The following TK2 variants were observed in gnomAD, a reference collection of about 807,000 sequenced individuals.
TK2 encodes the protein thymidine kinase 2, mitochondrial.
In TK2, 35 loss-of-function variants were observed where a neutral mutation model predicts 41.9. The observed-to-expected ratio is 0.84, with a 90% CI of 0.64 to 1.11. The LOEUF is 1.11. Ranked by LOEUF, TK2 falls within the 50% of genes least tolerant of loss-of-function variation. TK2 has a pLI of 0.00. For synonymous variants in TK2, 128 were observed against 129.1 expected, an observed-to-expected ratio of 0.99 and a Z score of 0.06; for missense variants, 320 against 351.1, an observed-to-expected ratio of 0.91 and a Z score of 0.71.
chr16:66,512,088 C>G (rs1450600037), intron 9 of TK2, 22 bp from the exon 10 acceptor site: 2 of 1,596,834 alleles, frequency 1.3e-6, no homozygotes, highest in African/African-American at 2.7e-5. Flanking sequence ...ACACATGGGT[C>G]ACAAGGCTGC....
At chr16:66,543,880 C>T (rs1965529722) in intron 2 of TK2, among the ~76,000 whole-genome samples, 1 of 152,166 alleles carries the variant, frequency 6.6e-6, no homozygotes. Context: ...CCTCCCAGCC[C>T]ACTCCTTTAG....
At chr16:66,516,435 G>A (rs1455195897) in intron 8 of TK2, among the ~76,000 whole-genome samples, 2 of 152,222 alleles carry the variant, frequency 1.3e-5, no homozygotes, top group Non-Finnish European at 2.9e-5. Context: ...TTACAAAGTG[G>A]GGACTGCATT....
chr16:66,539,397 G>C (rs1242451810), intron 3 of TK2, among the ~76,000 whole-genome samples: 1 of 151,996 alleles, frequency 6.6e-6, no homozygotes, highest in African/African-American at 2.4e-5. Context: ...TCAGGAGTTT[G>C]AAACCAGCCT....
At chr16:66,548,266 C>T (rs1178047874) in intron 2 of TK2, among the ~76,000 whole-genome samples, 1 of 152,164 alleles carries the variant, frequency 6.6e-6, no homozygotes, top group Non-Finnish European at 1.5e-5. Context: ...TGGGGGCCTG[C>T]CCGCACTGTC....
At chr16:66,528,101 G>A (rs1964990142) in intron 6 of TK2, among the ~76,000 whole-genome samples, 1 of 152,156 alleles carries the variant, frequency 6.6e-6, no homozygotes, top group South Asian at 2.1e-4. Context: ...AGACAGCGTG[G>A]TCGGGGAGGG....
intron 6 of TK2, among the ~76,000 whole-genome samples, chr16:66,523,894 G>A (rs772468118): frequency 4.6e-5 from 7 of 152,194 alleles, no homozygotes; most frequent in Non-Finnish European, 8.8e-5. Flanking sequence ...ATACTTCGTT[G>A]TGGATGACCG....
chr16:66,538,397 C>T (rs1226307683), intron 3 of TK2, among the ~76,000 whole-genome samples: 1 of 152,146 alleles, frequency 6.6e-6, no homozygotes, highest in Non-Finnish European at 1.5e-5. Context: ...TCTTCTAGGT[C>T]TTCTTCCTAG....
chr16:66,541,301 A>T (rs1215120822), intron 3 of TK2, among the ~76,000 whole-genome samples: 1 of 152,246 alleles, frequency 6.6e-6, no homozygotes, highest in Non-Finnish European at 1.5e-5. Flanking sequence ...ATCATATTCC[A>T]AAGACTTAGT....
At chr16:66,543,143 G>A (rs914148331) in intron 2 of TK2, among the ~76,000 whole-genome samples, 34 of 152,176 alleles carry the variant, frequency 2.2e-4, no homozygotes, top group African/African-American at 8.0e-4. Flanking sequence ...CAAAGTGCTG[G>A]GATTACAGGC....
chr16:66,518,659 T>C (rs1265628913), intron 6 of TK2, among the ~76,000 whole-genome samples: 2 of 152,242 alleles, frequency 1.3e-5, no homozygotes, highest in African/African-American at 4.8e-5. Flanking sequence ...TGAAGGATGA[T>C]ATTGTAAAAT....
rs1327656838 is a variant in TK2, at chr16:66,514,672, AC to A, written c.619-862del. On this transcript the variant is annotated intron_variant, in intron 8 of 9. Transcript: ENST00000544898. The surrounding 1 kb of genome is among the most constrained non-coding windows in gnomAD (Gnocchi z 4.2). ...GGCCACCACCCCGTCTGGGAGGTGT[AC>A]CCAATAGCTCATTGAGAACGGGCCA... Among the ~76,000 whole-genome samples, 1 of 152,146 alleles carries A rather than the reference AC, an allele frequency of 6.6e-6. No individual in the cohort carries two copies. Among genetic ancestry groups the A allele is most frequent in the African/African-American group, 2.4e-5 (1 of 41,424 alleles).
At chr16:66,520,263 T>C (rs957153228) in intron 6 of TK2, among the ~76,000 whole-genome samples, 1 of 152,098 alleles carries the variant, frequency 6.6e-6, no homozygotes, top group African/African-American at 2.4e-5. Context: ...GGTGACAACT[T>C]TGTGTCCACA....
chr16:66,549,391 T>C (rs1008559143), intron 1 of TK2: 1 of 1,119,934 alleles, frequency 8.9e-7, no homozygotes, highest in African/African-American at 1.6e-5. Flanking sequence ...GACCCAGGTG[T>C]TCCTCTAGGC....
intron 6 of TK2, 53 bp downstream of exon 6, chr16:66,528,941 C>T: frequency 6.4e-7 from 1 of 1,556,324 alleles, no homozygotes; most frequent in Non-Finnish European, 8.9e-7. Flanking sequence ...GTTTCTATTT[C>T]ATTTTGAAAA....
rs1964448096 is a variant in TK2 at position 66,511,471 on chromosome 16, G to C, written c.*497C>G. 1 of 245,848 alleles carries C rather than the reference G, an allele frequency of 4.1e-6. No individual in the cohort carries two copies. Among genetic ancestry groups the C allele is most frequent in the East Asian group, 1.1e-4 (1 of 9,410 alleles). The allele number at this position is 245,848 out of a possible 1,614,324, so 15.2% of individuals were successfully genotyped here. A position where few individuals can be genotyped will look rare whatever the true frequency, so the allele number is the denominator to read the frequency against. On this transcript the variant is annotated 3_prime_UTR_variant, in exon 10 of 10. Coordinates refer to ENST00000544898, the MANE Select transcript of TK2 (RefSeq NM_004614.5). ...CTCAGGAGGAGGCAGCCCAGGGCAAGGGAAAGTTGCTGAGTCGGCTGAAAG... is the reference window on the plus strand; with the variant it reads ...CTCAGGAGGAGGCAGCCCAGGGCAACGGAAAGTTGCTGAGTCGGCTGAAAG...
At chr16:66,543,767 T>C (rs1479176514) in intron 2 of TK2, among the ~76,000 whole-genome samples, 1 of 151,830 alleles carries the variant, frequency 6.6e-6, no homozygotes, top group African/African-American at 2.4e-5. Flanking sequence ...CCCACTAAAG[T>C]CTCCCCAGCA....
At chr16:66,520,908 G>A (rs997645669) in intron 6 of TK2, among the ~76,000 whole-genome samples, 1 of 152,224 alleles carries the variant, frequency 6.6e-6, no homozygotes, top group Non-Finnish European at 1.5e-5. Flanking sequence ...TGTGCAATGA[G>A]GAAGCTGCTG....
intron 1 of TK2, 195 bp from the exon 2 acceptor site, chr16:66,549,204 C>T: frequency 6.9e-7 from 1 of 1,447,614 alleles, no homozygotes; most frequent in African/African-American, 1.4e-5. Flanking sequence ...GCTGCAGCTG[C>T]AGCTTCGTGG....
chr16:66,544,814 G>GC (rs1965555902), intron 2 of TK2, among the ~76,000 whole-genome samples: 1 of 152,168 alleles, frequency 6.6e-6, no homozygotes, highest in Non-Finnish European at 1.5e-5. Flanking sequence ...GTGGCCAGGC[G>GC]CAGTGGCTCA....
Sources: allele counts gnomAD v4.1 joint callset (sites outside exome capture counted in the v4.1 genomes callset), GRCh38; gene constraint gnomAD v4.1.1; non-coding constraint Gnocchi (gnomAD v3.1); transcripts MANE v1.5; gene names NCBI Gene and HGNC (gene_info 2026-07-23, HGNC 2026-07-21).